The following CHRM3 variants were observed in gnomAD, a reference collection of about 807,000 sequenced individuals.
CHRM3 encodes the protein cholinergic receptor muscarinic 3, also known as muscarinic acetylcholine receptor M3.
In CHRM3, 11 loss-of-function variants were observed where a neutral mutation model predicts 41.8. The observed-to-expected ratio is 0.26, with a 90% CI of 0.17 to 0.44. The LOEUF (loss-of-function observed/expected upper bound fraction) is 0.44, where lower values mean the gene tolerates loss of function less well. Ranked by LOEUF, CHRM3 falls within the 20% of genes least tolerant of loss-of-function variation. CHRM3 has a pLI of 1.00. For synonymous variants in CHRM3, 297 were observed against 301.4 expected, an observed-to-expected ratio of 0.99 and a Z score of 0.15; for missense variants, 571 against 745.4, an observed-to-expected ratio of 0.77 and a Z score of 2.72.
At chr1:239,755,345 A>G (rs1666153215) in intron 5 of CHRM3, among the ~76,000 whole-genome samples, 1 of 152,220 alleles carries the variant, frequency 6.6e-6, no homozygotes, top group Non-Finnish European at 1.5e-5. Flanking sequence ...TCAGGAAGTG[A>G]GTTAACTGTA....
chr1:239,413,088 A>G (rs928050833), intron 1 of CHRM3, among the ~76,000 whole-genome samples: 1 of 30,576 alleles, frequency 3.3e-5, no homozygotes, highest in Non-Finnish European at 6.5e-5. Flanking sequence ...AAAAACAAAA[A>G]CAAAAATGAA....
chr1:239,411,323 C>A (rs1194004810), intron 1 of CHRM3, among the ~76,000 whole-genome samples: 2 of 152,246 alleles, frequency 1.3e-5, no homozygotes, highest in East Asian at 3.9e-4. Flanking sequence ...GTGCCTTTCA[C>A]TTTTAAAATG....
chr1:239,510,391 C>T (rs1282788330), intron 2 of CHRM3, among the ~76,000 whole-genome samples: 1 of 152,116 alleles, frequency 6.6e-6, no homozygotes, highest in Non-Finnish European at 1.5e-5. Context: ...TCCTCTTTTT[C>T]CTCTTGGGGT....
intron 6 of CHRM3, among the ~76,000 whole-genome samples, chr1:239,874,991 A>C (rs1353459084): frequency 6.6e-6 from 1 of 151,986 alleles, no homozygotes; most frequent in Non-Finnish European, 1.5e-5. Flanking sequence ...GAGCCACCGC[A>C]CCCAGCCGCC....
intron 5 of CHRM3, among the ~76,000 whole-genome samples, chr1:239,732,909 C>A (rs1269326608): frequency 6.6e-6 from 1 of 150,830 alleles, no homozygotes; most frequent in Non-Finnish European, 1.5e-5. Context: ...GATAAGTATA[C>A]CTAATATCTC....
intron 1 of CHRM3, among the ~76,000 whole-genome samples, chr1:239,492,286 C>T (rs553119425): frequency 6.6e-6 from 1 of 152,282 alleles, no homozygotes; most frequent in African/African-American, 2.4e-5. Flanking sequence ...AAACTTTTCC[C>T]ACATTCTCTG....
intron 1 of CHRM3, among the ~76,000 whole-genome samples, chr1:239,464,303 A>C (rs1455638508): frequency 6.7e-6 from 1 of 149,986 alleles, no homozygotes. Context: ...AAAAAAGTTC[A>C]GCTGTCACCT....
Position 239,387,739 on chromosome 1 carries a change from C to T in CHRM3, c.-521+512C>T, listed in dbSNP as rs992233033. On this transcript the variant is annotated intron_variant, in intron 1 of 6. Transcript: ENST00000676153. The surrounding 1 kb of genome is among the most constrained non-coding windows in gnomAD (Gnocchi z 5.1). ...TTTCTAAGAAGGCTAAAGCTGGCAC[C>T]CGCCAACCTCGCAGTGGGGCCGCAA... 3.9e-5 allele frequency among the ~76,000 whole-genome samples: 6 copies of T among 152,174 alleles called. No homozygotes were observed. The highest frequency in any genetic ancestry group is 2.6e-4 in the Admixed American group (4 of 15,276).
At chr1:239,521,901 A>T (rs1350110705) in intron 2 of CHRM3, among the ~76,000 whole-genome samples, 2 of 152,232 alleles carry the variant, frequency 1.3e-5, no homozygotes, top group African/African-American at 4.8e-5. Context: ...GAGAATATGC[A>T]TAGGGTATAT....
intron 1 of CHRM3, among the ~76,000 whole-genome samples, chr1:239,445,126 T>C (rs754568619): frequency 5.9e-5 from 9 of 152,224 alleles, no homozygotes; most frequent in Non-Finnish European, 1.2e-4. Flanking sequence ...ATTTGAACCA[T>C]GCACATGTGG....
In CHRM3 at chr1:239,592,429, T is replaced by C. The variant is rs548018143; in HGVS notation, c.-312-39795T>C. 2.0e-5 allele frequency among the ~76,000 whole-genome samples: 3 copies of C among 152,290 alleles called. No homozygotes were observed. In the South Asian group the frequency reaches 6.2e-4, roughly 32 times the overall value. On this transcript the variant is annotated intron_variant, in intron 3 of 6. Coordinates refer to ENST00000676153, the MANE Select transcript of CHRM3 (RefSeq NM_001375978.1). ...AAAAAAGAAAACACATGCCTGTTAA[T>C]AGCCATGTCATTCTCCCCACCTCCC...
At chr1:239,576,600 A>G (rs1248036294) in intron 3 of CHRM3, among the ~76,000 whole-genome samples, 15 of 150,490 alleles carry the variant, frequency 1.0e-4, no homozygotes, top group African/African-American at 2.4e-4. Context: ...ACACGCACAC[A>G]CACACACACA....
chr1:239,552,627 A>ATATTATTAT (rs78726802), intron 3 of CHRM3, among the ~76,000 whole-genome samples: 2,135 of 139,706 alleles, frequency 0.015, 30 homozygotes, highest in Non-Finnish European at 0.02. Flanking sequence ...CACCTGACTA[A>ATATTATTAT]TATTATTATT....
intron 5 of CHRM3, among the ~76,000 whole-genome samples, chr1:239,810,321 C>T (rs938708551): frequency 1.3e-5 from 2 of 152,128 alleles, no homozygotes; most frequent in African/African-American, 4.8e-5. Flanking sequence ...ATTGAAGCTC[C>T]GTTGCAGAAA....
intron 6 of CHRM3, among the ~76,000 whole-genome samples, chr1:239,852,376 G>T (rs937481181): frequency 1.3e-5 from 2 of 152,148 alleles, no homozygotes; most frequent in Non-Finnish European, 2.9e-5. Flanking sequence ...AACCTTTAAA[G>T]TTCCTTTCAA....
chr1:239,894,599 A>AT (rs776999083), intron 6 of CHRM3, among the ~76,000 whole-genome samples: 10 of 151,884 alleles, frequency 6.6e-5, no homozygotes, highest in African/African-American at 1.5e-4. Flanking sequence ...TACCTGGCTA[A>AT]TTTTTTTGTT....
chr1:239,723,836 G>A (rs1475581281), intron 5 of CHRM3, among the ~76,000 whole-genome samples: 1 of 151,764 alleles, frequency 6.6e-6, no homozygotes, highest in Non-Finnish European at 1.5e-5. Flanking sequence ...TTAAAGATGA[G>A]GCCTCATAGT....
At chr1:239,637,199 CTTT>C (rs1204887914) in intron 4 of CHRM3, among the ~76,000 whole-genome samples, 1 of 151,786 alleles carries the variant, frequency 6.6e-6, no homozygotes, top group East Asian at 1.9e-4. Context: ...TTATCAAAGT[CTTT>C]TGTTTGGTTT....
chr1:239,641,009 T>G (rs575979374), intron 4 of CHRM3, among the ~76,000 whole-genome samples: 20 of 152,192 alleles, frequency 1.3e-4, no homozygotes, highest in African/African-American at 4.6e-4. Context: ...ATTTCTGCCT[T>G]CATTTCGTTA....
Sources: gnomAD v4.1 joint callset for allele counts (sites outside exome capture counted in the v4.1 genomes callset) on GRCh38, gnomAD v4.1.1 for gene constraint, Gnocchi (gnomAD v3.1) non-coding constraint, MANE v1.5 for transcripts, NCBI Gene and HGNC (gene_info 2026-07-23, HGNC 2026-07-21) for gene names.